Variants in SACM1L observed in about 807,000 individuals in gnomAD.
SACM1L encodes SAC1 like phosphatidylinositide phosphatase, also known as phosphatidylinositol-3-phosphatase SAC1.
A neutral mutation model predicts 89.5 loss-of-function variants in SACM1L; 32 were observed. That is an observed-to-expected ratio of 0.36 (90% CI 0.27 to 0.48). SACM1L has a LOEUF of 0.48. Among genes scored for constraint, SACM1L ranks in the 20% least tolerant of loss-of-function variants. SACM1L has a pLI of 0.99. For missense variants in SACM1L, 543 were observed against 708.5 expected, an observed-to-expected ratio of 0.77 and a Z score of 2.65; for synonymous variants, 213 against 232.8, an observed-to-expected ratio of 0.92 and a Z score of 0.77.
intron 5 of SACM1L, 103 bp downstream of exon 5, chr3:45,709,750 C>CT (rs1698478648): frequency 1.1e-5 from 11 of 1,045,420 alleles, no homozygotes; most frequent in Non-Finnish European, 1.5e-5. Context: ...TCCTGGCTAT[C>CT]TTAGAATCAT....
chr3:45,721,562 G>A (rs1010448051), intron 8 of SACM1L, among the ~76,000 whole-genome samples: 4 of 152,144 alleles, frequency 2.6e-5, no homozygotes, highest in African/African-American at 7.2e-5. Flanking sequence ...CTATCTTTAC[G>A]TTGAGTATTG....
chr3:45,731,391 A>G lies in SACM1L; in HGVS notation c.1001+11A>G. On this transcript the variant is annotated intron_variant, in intron 12 of 19. Transcript: ENST00000389061. ...AAGTGGAATGATGAGGTACCTCACTAGAAATCTGTTGCAGGTCTTTTCAGA... is the reference window on the plus strand; with the variant it reads ...AAGTGGAATGATGAGGTACCTCACTGGAAATCTGTTGCAGGTCTTTTCAGA... 6.3e-7 allele frequency: 1 copy of G among 1,593,568 alleles called. No homozygotes were observed. The highest frequency in any genetic ancestry group is 8.6e-7 in the Non-Finnish European group (1 of 1,162,082).
Position 45,703,449 on chromosome 3 carries a change from C to A in SACM1L, c.44C>A (p.Pro15His). ...ACATTTCTTCTTAGGCATATCACAC[C>A]TGAAAAATTTTATGTGGAAGCTTGT... Reference protein sequence around the residue: ...AYEQLKLHITPEKFYVEACDD... With the variant: ...AYEQLKLHITHEKFYVEACDD... The change falls in exon 2 of 20, where the codon CCT becomes CAT. Residue 15 changes from proline to histidine, a missense_variant. This residue lies in a region of SACM1L where 173 missense variants were observed against 180.9 expected (regional missense o/e 0.96). Coordinates refer to ENST00000389061, the MANE Select transcript of SACM1L (RefSeq NM_014016.5). 2 of 1,611,590 alleles carry A rather than the reference C, an allele frequency of 1.2e-6. No homozygotes were observed. The highest frequency in any genetic ancestry group is 1.1e-5 in the South Asian group (1 of 90,938).
At chr3:45,696,374 C>T (rs1263951971) in intron 1 of SACM1L, among the ~76,000 whole-genome samples, 2 of 152,158 alleles carry the variant, frequency 1.3e-5, no homozygotes. Context: ...TGTTAATAGA[C>T]ACATAGGTGG....
chr3:45,738,553 C>T (rs770359604), intron 16 of SACM1L, 25 bp from the exon 17 acceptor site: 2 of 1,443,906 alleles, frequency 1.4e-6, no homozygotes, highest in Non-Finnish European at 1.9e-6. Flanking sequence ...AAACCTGTAA[C>T]TTAAAATTTA....
intron 15 of SACM1L, 46 bp from the exon 16 acceptor site, chr3:45,737,726 G>C: frequency 6.3e-7 from 1 of 1,591,140 alleles, no homozygotes; most frequent in South Asian, 1.1e-5. Context: ...TTAGAACTTT[G>C]TTTGTCATCT....
Position 45,735,391 on chromosome 3 carries a change from T to C in SACM1L, c.1239+18T>C. 2 of 1,486,202 alleles carry C rather than the reference T, an allele frequency of 1.3e-6. No homozygotes were observed. Among genetic ancestry groups the C allele is most frequent in the Non-Finnish European group, 1.8e-6 (2 of 1,116,930 alleles). 92.1% of individuals were successfully genotyped at this position (1,486,202 alleles called of 1,614,324 possible). On this transcript the variant is annotated intron_variant, in intron 14 of 19. Transcript: ENST00000389061. Reference sequence around the variant, plus strand: ...AACTTCAGGTGCGAATGCTTTTTTTTTTTTTAATTGAAAAACAACACAGCA... The same window carrying C: ...AACTTCAGGTGCGAATGCTTTTTTTCTTTTTAATTGAAAAACAACACAGCA...
At chr3:45,719,417 C>A in intron 7 of SACM1L, 83 bp from the exon 8 acceptor site, 1 of 723,960 alleles carries the variant, frequency 1.4e-6, no homozygotes, top group Non-Finnish European at 2.2e-6. Context: ...TAAAGACCAT[C>A]ATTAGGATAG....
intron 5 of SACM1L, among the ~76,000 whole-genome samples, chr3:45,712,131 T>A (rs1698543827): frequency 6.6e-6 from 1 of 152,202 alleles, no homozygotes; most frequent in Non-Finnish European, 1.5e-5. Context: ...CAGCTGGTTG[T>A]GGTCAAGTGC....
intron 6 of SACM1L, 147 bp downstream of exon 6, chr3:45,713,343 ACC>A (rs1252505862): frequency 1.4e-5 from 8 of 580,880 alleles, no homozygotes; most frequent in African/African-American, 3.8e-5. Context: ...GATCAGGTCT[ACC>A]CTGTCACATC....
chr3:45,689,757 C>T (rs755443054), intron 1 of SACM1L: 86 of 585,308 alleles, frequency 1.5e-4, no homozygotes, highest in Non-Finnish European at 2.3e-4. Flanking sequence ...CCGACTGGCC[C>T]CCACCGAGCC....
At chr3:45,718,745 A>G (rs909426669) in intron 7 of SACM1L, among the ~76,000 whole-genome samples, 4 of 152,204 alleles carry the variant, frequency 2.6e-5, no homozygotes, top group Admixed American at 6.5e-5. Context: ...AGGTATGCCA[A>G]TTCCAAAGGC....
At chr3:45,694,431 T>G (rs1698074596) in intron 1 of SACM1L, among the ~76,000 whole-genome samples, 1 of 152,208 alleles carries the variant, frequency 6.6e-6, no homozygotes, top group East Asian at 1.9e-4. Flanking sequence ...TTCATATTAT[T>G]CACAGAAGTC....
chr3:45,737,833 T>A lies in SACM1L; in HGVS notation c.1371T>A (p.Thr457=). The A allele has an allele frequency of 6.2e-7, 1 of 1,613,924 alleles. No homozygotes were observed. Among genetic ancestry groups the A allele is most frequent in the Non-Finnish European group, 8.5e-7 (1 of 1,179,790 alleles). The change falls in exon 16 of 20, where the codon ACT becomes ACA. Residue 457 remains threonine, a synonymous_variant. Coordinates refer to ENST00000389061, the MANE Select transcript of SACM1L (RefSeq NM_014016.5). ...ATGCGGGAACTGGTGCCTTGAAGAC[T>A]GACTTTACCAGGCAAGCCATGCTTT... is the stretch of plus-strand genomic sequence containing the variant. ...KQYAGTGALK[T]DFTRTGKRTH... is the part of the protein sequence containing the mutation.
chr3:45,723,179 G>A (rs1294789372), intron 10 of SACM1L, among the ~76,000 whole-genome samples: 1 of 152,108 alleles, frequency 6.6e-6, no homozygotes. Context: ...GGCAAGTAAG[G>A]ATTTGAGAGA....
chr3:45,741,484 C>A (rs1699314483), intron 19 of SACM1L, among the ~76,000 whole-genome samples: 2 of 152,046 alleles, frequency 1.3e-5, no homozygotes, highest in Non-Finnish European at 2.9e-5. Flanking sequence ...CTGTGTCTTA[C>A]TCATTGTTTT....
chr3:45,692,114 G>A (rs550203192), intron 1 of SACM1L, among the ~76,000 whole-genome samples: 2 of 152,192 alleles, frequency 1.3e-5, no homozygotes, highest in East Asian at 3.9e-4. Flanking sequence ...CTTCCTCTCT[G>A]TTCTCTTTAC....
At chr3:45,736,658 AG>A (rs1246628775) in intron 14 of SACM1L, among the ~76,000 whole-genome samples, 1 of 152,226 alleles carries the variant, frequency 6.6e-6, no homozygotes, top group African/African-American at 2.4e-5. Context: ...AAACAATATT[AG>A]GAATGGTTTG....
chr3:45,707,610 T>G (rs1432769408), intron 4 of SACM1L, among the ~76,000 whole-genome samples: 1 of 152,242 alleles, frequency 6.6e-6, no homozygotes, highest in Non-Finnish European at 1.5e-5. Flanking sequence ...ACAGTAGGTA[T>G]GCAGCCAGAG....
Sources: gnomAD v4.1 joint callset for allele counts (sites outside exome capture counted in the v4.1 genomes callset) on GRCh38, gnomAD v4.1.1 for gene constraint, gnomAD v4.1.1 regional missense constraint, MANE v1.5 for transcripts, NCBI Gene and HGNC (gene_info 2026-07-23, HGNC 2026-07-21) for gene names.